GRIN2A: variants seen among roughly 807,000 people sequenced by gnomAD.
The protein encoded by GRIN2A is glutamate ionotropic receptor NMDA type subunit 2A.
In GRIN2A, 22 loss-of-function variants were observed where a neutral mutation model predicts 113.4. The observed-to-expected ratio is 0.19, with a 90% confidence interval of 0.14 to 0.28. The LOEUF (loss-of-function observed/expected upper bound fraction) is 0.28. GRIN2A is among the 10% of genes least tolerant of loss of function. GRIN2A has a pLI of 1.00. For missense variants in GRIN2A, 1,502 were observed against 1,887.0 expected (o/e 0.80, Z 3.78); for synonymous variants, 827 against 738.4 (o/e 1.12, Z -1.94).
intron 2 of GRIN2A, among the ~76,000 whole-genome samples, chr16:10,041,196 G>A (rs1443689640): frequency 4.6e-5 from 7 of 152,118 alleles, no homozygotes; most frequent in Admixed American, 2.6e-4. Context: ...TCCCATTTTC[G>A]TAAGCTCATT....
intron 2 of GRIN2A, among the ~76,000 whole-genome samples, chr16:10,088,017 T>A (rs917530253): frequency 2.0e-5 from 3 of 152,094 alleles, no homozygotes; most frequent in African/African-American, 7.2e-5. Flanking sequence ...CTCAGAAAAG[T>A]TACTTTATTA....
chr16:10,166,109 C>A (rs1454580775), intron 2 of GRIN2A, among the ~76,000 whole-genome samples: 2 of 152,148 alleles, frequency 1.3e-5, no homozygotes, highest in Non-Finnish European at 2.9e-5. Flanking sequence ...TAAAACAATT[C>A]GCCAGGAAAA....
chr16:9,889,831 A>G (rs1209901414), intron 4 of GRIN2A, among the ~76,000 whole-genome samples: 1 of 152,138 alleles, frequency 6.6e-6, no homozygotes, highest in African/African-American at 2.4e-5. Context: ...CATTATTTCA[A>G]TTCTTCTAAA....
chr16:9,813,953 G>C (rs780672208), intron 10 of GRIN2A, among the ~76,000 whole-genome samples: 27 of 152,130 alleles, frequency 1.8e-4, no homozygotes, highest in East Asian at 9.6e-4. Context: ...GATTCTGTTT[G>C]ACTGATAAAA....
chr16:9,754,786 GA>G lies in GRIN2A; in HGVS notation c.*8362del, dbSNP rs544326150. ...CAAAAGGCTATGATTGTTTTTCATG[GA>G]AAAAAAAAGACAATGTTTTCGTATT... is the stretch of plus-strand genomic sequence containing the variant. On this transcript the variant is annotated 3_prime_UTR_variant, in exon 13 of 13. Transcript: ENST00000330684. 175 of 217,418 alleles carry G rather than the reference GA, an allele frequency of 8.0e-4. 1 individual carries two copies. The highest frequency in any genetic ancestry group is 7.8e-3 in the East Asian group (116 of 14,814). The allele number at this position is 217,418 out of a possible 1,614,324, so 13.5% of individuals were successfully genotyped here.
chr16:9,781,771 A>G (rs1224656334), intron 11 of GRIN2A, among the ~76,000 whole-genome samples: 1 of 152,216 alleles, frequency 6.6e-6, no homozygotes, highest in Non-Finnish European at 1.5e-5. Flanking sequence ...AAATAGTTCA[A>G]AAGAAAAAAG....
intron 3 of GRIN2A, among the ~76,000 whole-genome samples, chr16:9,934,317 A>C (rs2044662595): frequency 6.6e-6 from 1 of 152,150 alleles, no homozygotes; most frequent in Non-Finnish European, 1.5e-5. Context: ...ATTATATCTT[A>C]ATTCATCTAT....
At chr16:10,075,304 C>T (rs1435827210) in intron 2 of GRIN2A, among the ~76,000 whole-genome samples, 2 of 151,942 alleles carry the variant, frequency 1.3e-5, no homozygotes, top group Non-Finnish European at 2.9e-5. Flanking sequence ...AAACTGAGCC[C>T]TAGAGAAATG....
chr16:10,082,765 C>T (rs988349330), intron 2 of GRIN2A, among the ~76,000 whole-genome samples: 1 of 152,164 alleles, frequency 6.6e-6, no homozygotes, highest in Non-Finnish European at 1.5e-5. Flanking sequence ...TGTTACACAG[C>T]AATAGATAGC....
chr16:9,783,575 G>A (rs1049381369), intron 11 of GRIN2A, among the ~76,000 whole-genome samples: 1 of 152,110 alleles, frequency 6.6e-6, no homozygotes, highest in East Asian at 1.9e-4. Context: ...TTGGCATGTG[G>A]ACTAACGCTT....
At chr16:10,071,902 C>T (rs540315486) in intron 2 of GRIN2A, among the ~76,000 whole-genome samples, 1 of 152,194 alleles carries the variant, frequency 6.6e-6, no homozygotes, top group South Asian at 2.1e-4. Context: ...TGTTTATCTC[C>T]ATTTCACAGA....
intron 3 of GRIN2A, among the ~76,000 whole-genome samples, chr16:9,898,610 T>G (rs2043854336): frequency 6.6e-6 from 1 of 152,192 alleles, no homozygotes; most frequent in South Asian, 2.1e-4. Flanking sequence ...TTCCATCTAC[T>G]TTGCCATTTC....
intron 5 of GRIN2A, among the ~76,000 whole-genome samples, chr16:9,841,892 C>T (rs573086791): frequency 2.6e-5 from 4 of 152,326 alleles, no homozygotes; most frequent in Admixed American, 2.6e-4. Context: ...GTACCAGCCA[C>T]CTTGCTGTAT....
Position 9,764,607 on chromosome 16 carries a change from T to C in GRIN2A, c.2937A>G (p.Val979=), listed in dbSNP as rs2141135862. Reference sequence around the variant, plus strand: ...GAGTAAGAGGATGTTGTCCCTGGAATACATAGTTATTGAGGTTATCCTTCT... The same window carrying C: ...GAGTAAGAGGATGTTGTCCCTGGAACACATAGTTATTGAGGTTATCCTTCT... ...NRQKDNLNNY[V]FQGQHPLTLN... Residue 979 remains valine, a synonymous_variant, in exon 13 of 13, where the codon GTA becomes GTG. Transcript: ENST00000330684. 4 of 1,614,136 alleles carry C rather than the reference T, an allele frequency of 2.5e-6. No individual in the cohort carries two copies. The highest frequency in any genetic ancestry group is 3.4e-6 in the Non-Finnish European group (4 of 1,180,010).
At chr16:10,039,650 C>T (rs1413227070) in intron 2 of GRIN2A, among the ~76,000 whole-genome samples, 3 of 151,568 alleles carry the variant, frequency 2.0e-5, no homozygotes. Context: ...GGTCCGCACC[C>T]GGGAGCGGGG....
At chr16:9,829,741 CGAA>C (rs1424288188) in intron 8 of GRIN2A, 89 bp from the exon 9 acceptor site, 1 of 835,252 alleles carries the variant, frequency 1.2e-6, no homozygotes, top group African/African-American at 1.7e-5. Flanking sequence ...CCAGCAGCAC[CGAA>C]GGTTGCCAGA....
At chr16:9,885,683 T>G (rs1049496517) in intron 4 of GRIN2A, among the ~76,000 whole-genome samples, 1 of 152,118 alleles carries the variant, frequency 6.6e-6, no homozygotes, top group South Asian at 2.1e-4. Context: ...TCCTCAGCAG[T>G]CTTTCCCCTC....
chr16:9,819,202 G>A (rs775041452), intron 10 of GRIN2A, among the ~76,000 whole-genome samples: 2 of 152,064 alleles, frequency 1.3e-5, no homozygotes, highest in East Asian at 1.9e-4. Context: ...TATTTTTGAC[G>A]TATATAAATA....
chr16:10,146,356 G>T (rs1434118408), intron 2 of GRIN2A, among the ~76,000 whole-genome samples: 7 of 152,098 alleles, frequency 4.6e-5, no homozygotes, highest in African/African-American at 1.7e-4. Flanking sequence ...GACCTCAGGT[G>T]ATCCGCCCAC....
Sources: allele counts gnomAD v4.1 joint callset (sites outside exome capture counted in the v4.1 genomes callset), GRCh38; gene constraint gnomAD v4.1.1; transcripts MANE v1.5; gene names NCBI Gene and HGNC (gene_info 2026-07-23, HGNC 2026-07-21).